The following PIEZO1 variants were observed in gnomAD, a reference collection of about 807,000 sequenced individuals.
The protein encoded by PIEZO1 is piezo type mechanosensitive ion channel component 1 (Er blood group).
A neutral mutation model predicts 297.2 loss-of-function variants in PIEZO1; 296 were observed. The observed-to-expected ratio is 1.00, with a 90% CI of 0.91 to 1.10. The LOEUF (loss-of-function observed/expected upper bound fraction) is 1.10, where lower values mean the gene tolerates loss of function less well. Among genes scored for constraint, PIEZO1 ranks in the 50% least tolerant of loss-of-function variants. The pLI is 0.00. For missense variants in PIEZO1, 5,018 were observed against 3,455.5 expected (o/e 1.45, Z -11.34); for synonymous variants, 2,427 against 1,507.5 (o/e 1.61, Z -14.13).
chr16:88,744,821 G>C (rs1905935546), intron 2 of PIEZO1, among the ~76,000 whole-genome samples: 1 of 152,004 alleles, frequency 6.6e-6, no homozygotes, highest in East Asian at 1.9e-4. Flanking sequence ...GCCTGGGCTG[G>C]ATCAGACTAG....
Position 88,716,452 on chromosome 16 carries a change from C to T in PIEZO1, c.6958G>A (p.Ala2320Thr), listed in dbSNP as rs773146648. 13 of 1,549,500 alleles carry T rather than the reference C, an allele frequency of 8.4e-6. No individual in the cohort carries two copies. Among genetic ancestry groups the T allele is most frequent in the African/African-American group, 4.1e-5 (3 of 73,050 alleles). The change falls in exon 48 of 51, where the codon GCC becomes ACC. Residue 2320 changes from alanine to threonine, a missense_variant. By Grantham distance (58) the Ala-to-Thr change is moderately conservative. Coordinates refer to ENST00000301015, the MANE Select transcript of PIEZO1 (RefSeq NM_001142864.4). ...DLAKGGTVEY[A>T]NEKHMLALAP... Reference sequence around the variant, plus strand: ...AGGGCCAGCATGTGCTTCTCGTTGGCATACTCCACAGTGCCTCCCTTCGCC... The same window carrying T: ...AGGGCCAGCATGTGCTTCTCGTTGGTATACTCCACAGTGCCTCCCTTCGCC...
intron 12 of PIEZO1, 56 bp downstream of exon 12, chr16:88,736,092 C>T (rs1012603278): frequency 1.4e-6 from 2 of 1,481,362 alleles, no homozygotes; most frequent in Admixed American, 4.2e-5. Flanking sequence ...AACAGGACGA[C>T]AACCCTGATG....
At chr16:88,748,670 G>A (rs1021265721) in intron 2 of PIEZO1, among the ~76,000 whole-genome samples, 1 of 152,126 alleles carries the variant, frequency 6.6e-6, no homozygotes, top group African/African-American at 2.4e-5. Flanking sequence ...GGCCTCCCAA[G>A]GGACACAGAG....
At chr16:88,717,899 G>GAGTT (rs1311291965) in intron 44 of PIEZO1, 34 of 403,842 alleles carry the variant, frequency 8.4e-5, no homozygotes, top group East Asian at 5.0e-4. Context: ...TTGAGGTCAG[G>GAGTT]AGTTTGAGAC....
chr16:88,741,441 G>A (rs2142842216), intron 5 of PIEZO1, 37 bp downstream of exon 5: 1 of 1,497,648 alleles, frequency 6.7e-7, no homozygotes, highest in East Asian at 2.5e-5. Context: ...GCTCTCGAAT[G>A]ACCTCCCTGA....
intron 22 of PIEZO1, among the ~76,000 whole-genome samples, chr16:88,728,745 C>T (rs374684342): frequency 6.1e-5 from 2 of 32,726 alleles, no homozygotes; most frequent in South Asian, 8.6e-4. Flanking sequence ...ACCCTCCATG[C>T]TGGGGAACCC....
rs1597443212 is a variant in PIEZO1, at chr16:88,719,909, G to C, written c.6216C>G (p.Ile2072Met). 3 of 1,550,412 alleles carry C rather than the reference G, an allele frequency of 1.9e-6. No individual in the cohort carries two copies. Among genetic ancestry groups the C allele is most frequent in the Non-Finnish European group, 2.6e-6 (3 of 1,146,934 alleles). ...TCTGGTAGGCGGACAGGGCGAAGTA[G>C]ATGCACTTCACGAAGTACCAGAGCT... is the stretch of plus-strand genomic sequence containing the variant. ...VAQLWYFVKC[I>M]YFALSAYQIR... The change falls in exon 43 of 51, where the codon ATC becomes ATG. Residue 2072 changes from isoleucine (I) to methionine (M), a missense_variant. Transcript: ENST00000301015.
chr16:88,750,664 G>A (rs965994174), intron 1 of PIEZO1, among the ~76,000 whole-genome samples: 1 of 152,256 alleles, frequency 6.6e-6, no homozygotes, highest in Non-Finnish European at 1.5e-5. Flanking sequence ...CCACGTGCTA[G>A]CCAGGCCTGC....
At chr16:88,744,691 CG>C (rs1391951725) in intron 2 of PIEZO1, among the ~76,000 whole-genome samples, 1 of 151,702 alleles carries the variant, frequency 6.6e-6, no homozygotes, top group East Asian at 1.9e-4. Context: ...GTTCTCGGGC[CG>C]GCCAGAGTGT....
Position 88,716,405 on chromosome 16 carries a change from C to T in PIEZO1, c.7005G>A (p.Arg2335=). The T allele has an allele frequency of 6.5e-7, 1 of 1,549,116 alleles. No homozygotes were observed. The highest frequency in any genetic ancestry group is 8.7e-7 in the Non-Finnish European group (1 of 1,146,252). ...MLALAPNSTA[R]RQLASLLEGT... is the part of the protein sequence containing the mutation. ...CCTCGAGCAGGCTGGCCAGCTGCCG[C>T]CGTGCAGTGCTGTTGGGGGCCAGGG... Residue 2335 remains arginine, a synonymous_variant, in exon 48 of 51, where the codon CGG becomes CGA. Transcript: ENST00000301015.
chr16:88,720,995 G>C (rs1051854123), intron 39 of PIEZO1, among the ~76,000 whole-genome samples, 171 bp downstream of exon 39: 14 of 152,304 alleles, frequency 9.2e-5, no homozygotes, highest in African/African-American at 2.6e-4. Flanking sequence ...GCAGCAGTCA[G>C]GGACGGCTCT....
chr16:88,736,543 G>C (rs1037190452), intron 11 of PIEZO1, 96 bp downstream of exon 11: 13 of 624,776 alleles, frequency 2.1e-5, no homozygotes, highest in African/African-American at 2.0e-4. Context: ...GCGCGGCAGA[G>C]GGGGCTGCAC....
chr16:88,744,724 C>G (rs1035093637), intron 2 of PIEZO1, among the ~76,000 whole-genome samples: 2 of 151,946 alleles, frequency 1.3e-5, no homozygotes, highest in Admixed American at 6.6e-5. Flanking sequence ...CATGTTAGAA[C>G]AGCTGGGCCA....
intron 1 of PIEZO1, among the ~76,000 whole-genome samples, chr16:88,754,105 C>G (rs1906534005): frequency 6.6e-6 from 1 of 152,204 alleles, no homozygotes; most frequent in Admixed American, 6.5e-5. Flanking sequence ...CCCCTCGCCT[C>G]ACCAGCACAC....
intron 1 of PIEZO1, among the ~76,000 whole-genome samples, chr16:88,776,981 T>A (rs1165611335): frequency 1.3e-5 from 2 of 152,236 alleles, no homozygotes; most frequent in African/African-American, 4.8e-5. Context: ...TTTCTTCTTC[T>A]TCTTTTTTGA....
chr16:88,726,289 G>A lies in PIEZO1; in HGVS notation c.3963C>T (p.Ala1321=), dbSNP rs988651976. ...GTGTCTGGGCCCAAGCTTGCCTGGA[G>A]GCTAGCAGGGCGGTGGCCTGGAGGT... is the stretch of plus-strand genomic sequence containing the variant. ...RADLQATALL[A]SRGFALYNAA... Residue 1321 remains alanine, a synonymous_variant, in exon 27 of 51, where the codon GCC becomes GCT. Transcript: ENST00000301015. 3.2e-6 allele frequency: 5 copies of A among 1,547,710 alleles called. No homozygotes were observed. Among genetic ancestry groups the A allele is most frequent in the African/African-American group, 2.7e-5 (2 of 73,046 alleles).
chr16:88,749,585 GC>G (rs1906278819), intron 1 of PIEZO1, 106 bp from the exon 2 acceptor site: 2 of 843,934 alleles, frequency 2.4e-6, no homozygotes, highest in Non-Finnish European at 3.6e-6. Flanking sequence ...GAGGCCGTGT[GC>G]CCTGTGAGTG....
chr16:88,721,514 T>A lies in PIEZO1; in HGVS notation c.5403+24A>T, dbSNP rs994375462. On this transcript the variant is annotated intron_variant, in intron 38 of 50. Coordinates refer to ENST00000301015, the MANE Select transcript of PIEZO1 (RefSeq NM_001142864.4). The stretch of plus-strand genomic sequence containing the variant: ...CCCAGAGGGCCTGCCCAGCCCCGCA[T>A]TGCCAGCCAAGGCTCACACTCACCA... 19 of 1,542,506 alleles carry A rather than the reference T, an allele frequency of 1.2e-5. No individual in the cohort carries two copies. The South Asian group carries it at 2.3e-4, about 18-fold the overall frequency.
At position 88,718,740 on chromosome 16, in the gene PIEZO1, A is replaced by T. The variant is rs551300701; in HGVS notation, c.6471+834T>A. On this transcript the variant is annotated intron_variant, in intron 44 of 50. Transcript: ENST00000301015. Reference sequence around the variant, plus strand: ...TTTACTTTTTTAGAGACAGGGTCTCACTCTGTTGCCCAAGCTGGAGTGCAG... The same window carrying T: ...TTTACTTTTTTAGAGACAGGGTCTCTCTCTGTTGCCCAAGCTGGAGTGCAG... The T allele has an allele frequency of 3.9e-5, 6 of 152,366 alleles. No individual in the cohort carries two copies. In the East Asian group the frequency reaches 9.6e-4, roughly 24 times the overall value. The allele number at this position is 152,366 out of a possible 1,614,324, so 9.4% of individuals were successfully genotyped here.
Sources: allele counts gnomAD v4.1 joint callset (sites outside exome capture counted in the v4.1 genomes callset), GRCh38; gene constraint gnomAD v4.1.1; transcripts MANE v1.5; gene names NCBI Gene and HGNC (gene_info 2026-07-23, HGNC 2026-07-21).